Variants in CHTF18 observed in about 807,000 individuals in gnomAD.
The protein encoded by CHTF18 is chromosome transmission fidelity protein 18 homolog.
Under a neutral mutation model 113.4 loss-of-function variants are expected in CHTF18, and 151 were observed. That is an observed-to-expected ratio of 1.33 (90% CI 1.17 to 1.52). The LOEUF is 1.52. Ranked by LOEUF, CHTF18 falls within the 40% of genes most tolerant of loss-of-function variation. The pLI is 0.00. For missense variants in CHTF18, 1,982 were observed against 1,381.6 expected, an observed-to-expected ratio of 1.43 and a Z score of -6.89; for synonymous variants, 916 against 598.8, an observed-to-expected ratio of 1.53 and a Z score of -7.74.
At chr16:797,280 G>A (rs1442574026) in intron 20 of CHTF18, among the ~76,000 whole-genome samples, 188 bp downstream of exon 20, 2 of 151,104 alleles carry the variant, frequency 1.3e-5, no homozygotes, top group African/African-American at 4.9e-5. Flanking sequence ...GTCATGAGGC[G>A]GGGCCAGGGT....
At position 793,196 on chromosome 16, in the gene CHTF18, C is replaced by T. The variant is rs2042249440; in HGVS notation, c.1724C>T (p.Thr575Ile). 1 of 1,608,902 alleles carries T rather than the reference C, an allele frequency of 6.2e-7. No homozygotes were observed. Among genetic ancestry groups the T allele is most frequent in the South Asian group, 1.1e-5 (1 of 90,362 alleles). ...CTGAGCGTGCGGGACGTGCAGGCCA[C>T]ACGCGTGGGCCTCAAGGACCAGCGC... ...RELSVRDVQA[T>I]RVGLKDQRRG... The change falls in exon 14 of 22, where the codon ACA becomes ATA. Residue 575 changes from threonine to isoleucine, a missense_variant. Coordinates refer to ENST00000262315, the MANE Select transcript of CHTF18 (RefSeq NM_022092.3).
Position 788,643 on chromosome 16 carries a change from G to T in CHTF18, c.-42G>T, listed in dbSNP as rs886869686. On this transcript the variant is annotated 5_prime_UTR_variant, in exon 1 of 22. Transcript: ENST00000262315. ...GCGGGCAGTGCGCGACGGCGGCGGC[G>T]GCGCGGGAGGTTCGGAGCGGGAGCT... 6 of 1,429,636 alleles carry T rather than the reference G, an allele frequency of 4.2e-6. No homozygotes were observed. Among genetic ancestry groups the T allele is most frequent in the Middle Eastern group, 1.8e-4 (1 of 5,478 alleles). 88.6% of individuals were successfully genotyped at this position (1,429,636 alleles called of 1,614,324 possible).
rs376100071 is a variant in CHTF18 at position 795,986 on chromosome 16, C to T, written c.2365C>T (p.Leu789=). ...GTACAGCACCCGTGAAAAGCAACAG[C>T]TGGCCAGCCTGGTGGGCACGATGCT... ...QLYSTREKQQ[L]ASLVGTMLAY... The change falls in exon 18 of 22, where the codon CTG becomes TTG. Residue 789 remains leucine, a synonymous_variant. Coordinates refer to ENST00000262315, the MANE Select transcript of CHTF18 (RefSeq NM_022092.3). 58 of 1,608,600 alleles carry T rather than the reference C, an allele frequency of 3.6e-5. No homozygotes were observed. The Admixed American group carries it at 5.2e-4, about 14-fold the overall frequency.
Position 797,965 on chromosome 16 carries a change from A to T in CHTF18, c.2918A>T (p.Asp973Val). 1 of 1,611,596 alleles carries T rather than the reference A, an allele frequency of 6.2e-7. No homozygotes were observed. The highest frequency in any genetic ancestry group is 8.5e-7 in the Non-Finnish European group (1 of 1,179,260). The change falls in exon 22 of 22, where the codon GAC becomes GTC. Residue 973 changes from aspartate (D) to valine (V), a missense_variant. By Grantham distance (152) the Asp-to-Val change is radical. Coordinates refer to ENST00000262315, the MANE Select transcript of CHTF18 (RefSeq NM_022092.3). ...GTGCGGCGCAGCCTGTACATCAGGG[A>T]CTTGCTCTAGTTCTCTGAGCCGCGG... Reference protein sequence around the residue: ...NAVRRSLYIRDLL With the variant: ...NAVRRSLYIRVLL
At chr16:796,337 C>T (rs3888725) in intron 18 of CHTF18, among the ~76,000 whole-genome samples, 2,419 of 152,260 alleles carry the variant, frequency 0.016, 48 homozygotes, top group African/African-American at 0.048. Flanking sequence ...CCGGGGGCCC[C>T]GAGAGTGACT....
chr16:795,344 C>G lies in CHTF18; in HGVS notation c.2163C>G (p.Ser721Arg). Reference sequence around the variant, plus strand: ...ACACACCCAGGATCACCTTCCCCAGCAGCCAGCAGGAGGTGTGCTCGTCCC... The same window carrying G: ...ACACACCCAGGATCACCTTCCCCAGGAGCCAGCAGGAGGTGTGCTCGTCCC... The part of the protein sequence containing the change: ...SSHTPRITFP[S>R]SQQEAQNRMS... Residue 721 changes from serine to arginine, a missense_variant, in exon 16 of 22, where the codon AGC becomes AGG. Transcript: ENST00000262315. 1 of 1,547,832 alleles carries G rather than the reference C, an allele frequency of 6.5e-7. No individual in the cohort carries two copies. Among genetic ancestry groups the G allele is most frequent in the Non-Finnish European group, 8.7e-7 (1 of 1,146,448 alleles).
rs759578478 is a variant in CHTF18, at chr16:788,979, G to A, written c.140G>A (p.Arg47Gln). 2 of 1,563,096 alleles carry A rather than the reference G, an allele frequency of 1.3e-6. No individual in the cohort carries two copies. The highest frequency in any genetic ancestry group is 1.4e-5 in the African/African-American group (1 of 73,058). ...PSGVPLFTAG[R>Q]PPRTFEEALA... ...GGGGTCCCCCTGTTCACCGCGGGCC[G>A]ACCCCCGCGGACGTTCGAGGAGGCC... The change falls in exon 2 of 22, where the codon CGA becomes CAA. Residue 47 changes from arginine (R) to glutamine (Q), a missense_variant. Coordinates refer to ENST00000262315, the MANE Select transcript of CHTF18 (RefSeq NM_022092.3).
chr16:789,880 C>T lies in CHTF18; in HGVS notation c.606+165C>T, dbSNP rs1032856899. 32 of 1,340,928 alleles carry T rather than the reference C, an allele frequency of 2.4e-5. No homozygotes were observed. The Admixed American group carries it at 2.9e-4, about 12-fold the overall frequency. 83.1% of individuals were successfully genotyped at this position (1,340,928 alleles called of 1,614,324 possible). On this transcript the variant is annotated intron_variant, in intron 4 of 21. Transcript: ENST00000262315. ...TGGGGCGTAGACTTAGAGGACACAG[C>T]CTCCCCACAGCAGGTTGCTGTCCAG...
chr16:789,849 G>T, intron 4 of CHTF18, 134 bp downstream of exon 4: 5 of 1,316,032 alleles, frequency 3.8e-6, no homozygotes, highest in Non-Finnish European at 5.2e-6. Context: ...GGGGGAGGCT[G>T]CGTCATGGGG....
Position 795,249 on chromosome 16 carries a change from C to G in CHTF18, c.2068C>G (p.Gln690Glu), listed in dbSNP as rs776290505. The G allele has an allele frequency of 1.1e-5, 17 of 1,549,436 alleles. No individual in the cohort carries two copies. In the Admixed American group the frequency reaches 1.8e-4, roughly 16 times the overall value. The change falls in exon 16 of 22, where the codon CAG (glutamine) becomes GAG (glutamate). Residue 690 changes from glutamine (Q) to glutamate (E), a missense_variant. By Grantham distance (29) the Gln-to-Glu change is conservative. Transcript: ENST00000262315. ...DLLAGAAHHS[Q>E]SFQLLRYPPF... Reference sequence around the variant, plus strand: ...GCTGGCGGGGGCTGCTCATCACAGCCAGAGCTTCCAGCTGCTGCGCTACCC... The same window carrying G: ...GCTGGCGGGGGCTGCTCATCACAGCGAGAGCTTCCAGCTGCTGCGCTACCC...
In CHTF18 at chr16:794,129, C is replaced by T. The variant is rs1278500094; in HGVS notation, c.1878C>T (p.Thr626=). The change falls in exon 15 of 22, where the codon ACC becomes ACT. Residue 626 remains threonine, a synonymous_variant. Transcript: ENST00000262315. ...LLGDGDAGSL[T]SASQRFYRVL... ...GTGACGGGGACGCGGGCTCCCTCAC[C>T]TCCGCCTCACAGCGATTCTACCGTG... is the stretch of plus-strand genomic sequence containing the variant. 4 of 1,612,472 alleles carry T rather than the reference C, an allele frequency of 2.5e-6. No homozygotes were observed. Among genetic ancestry groups the T allele is most frequent in the East Asian group, 4.5e-5 (2 of 44,872 alleles).
rs770508070 is a variant in CHTF18 at position 795,320 on chromosome 16, C to T, written c.2139C>T (p.His713=). The change falls in exon 16 of 22, where the codon CAC becomes CAT. Residue 713 remains histidine (H), a synonymous_variant. Coordinates refer to ENST00000262315, the MANE Select transcript of CHTF18 (RefSeq NM_022092.3). The stretch of plus-strand genomic sequence containing the variant: ...TCCATGTGCTGTTTGCTTCCAGCCA[C>T]ACACCCAGGATCACCTTCCCCAGCA... The part of the protein sequence containing the change: ...VAFHVLFASS[H]TPRITFPSSQ... The T allele has an allele frequency of 1.3e-5, 20 of 1,548,368 alleles. No individual in the cohort carries two copies. The highest frequency in any genetic ancestry group is 1.6e-5 in the Non-Finnish European group (18 of 1,146,662).
Position 795,157 on chromosome 16 carries a change from T to C in CHTF18, c.1976T>C (p.Leu659Pro). Residue 659 changes from leucine (L) to proline (P), a missense_variant, in exon 16 of 22, where the codon CTG becomes CCG. Physicochemically the swap from Leu to Pro is moderately conservative, Grantham distance 98. Coordinates refer to ENST00000262315, the MANE Select transcript of CHTF18 (RefSeq NM_022092.3). ...VQGLFDNFLR[L>P]RLRDSSLGAV... ...GGCTTGTTTGACAACTTCCTGCGTC[T>C]GCGGCTGCGAGACTCCAGCCTGGGT... 1 of 1,553,628 alleles carries C rather than the reference T, an allele frequency of 6.4e-7. No individual in the cohort carries two copies. The highest frequency in any genetic ancestry group is 1.2e-5 in the South Asian group (1 of 84,498).
intron 9 of CHTF18, 116 bp downstream of exon 9, chr16:792,064 G>C: frequency 6.5e-7 from 1 of 1,538,168 alleles, no homozygotes; most frequent in South Asian, 1.2e-5. Flanking sequence ...GGGGGCCTGG[G>C]TGTGTGGGCC....
chr16:792,641 G>C, intron 11 of CHTF18, 51 bp downstream of exon 11: 1 of 1,590,204 alleles, frequency 6.3e-7, no homozygotes, highest in South Asian at 1.1e-5. Context: ...GTGCCTGGAG[G>C]GAGGGTTCCG....
In CHTF18 at chr16:792,489, G is replaced by T. The variant is rs971657982; in HGVS notation, c.1377G>T (p.Glu459Asp). 1 of 1,592,500 alleles carries T rather than the reference G, an allele frequency of 6.3e-7. No individual in the cohort carries two copies. The highest frequency in any genetic ancestry group is 8.5e-7 in the Non-Finnish European group (1 of 1,170,282). The change falls in exon 11 of 22, where the codon GAG becomes GAT. Residue 459 changes from glutamate to aspartate, a missense_variant. By Grantham distance (45) the Glu-to-Asp change is conservative. Transcript: ENST00000262315. ...LSILNRKGPQ[E>D]VGPQGPAVPS... ...TCCTGAACCGCAAGGGGCCACAGGA[G>T]GTGGGGCCACAGGGCCCGGCTGTGC...
intron 17 of CHTF18, 25 bp from the exon 18 acceptor site, chr16:795,922 C>G (rs541713845): frequency 1.2e-6 from 2 of 1,602,858 alleles, no homozygotes; most frequent in East Asian, 2.2e-5. Flanking sequence ...GCTCAGCTCC[C>G]TGTCTGCTGC....
At chr16:792,373 T>G in intron 10 of CHTF18, 26 bp downstream of exon 10, 1 of 1,559,934 alleles carries the variant, frequency 6.4e-7, no homozygotes, top group African/African-American at 1.4e-5. Context: ...CCTGGGTAGG[T>G]GGGTGGGCGG....
At chr16:790,701 T>C (rs776547728) in intron 7 of CHTF18, 35 bp downstream of exon 7, 17 of 1,497,604 alleles carry the variant, frequency 1.1e-5, no homozygotes, top group Non-Finnish European at 1.4e-5. Flanking sequence ...GTGGCTGGCT[T>C]CCTCTGTTCC....
Sources: gnomAD v4.1 joint callset for allele counts (sites outside exome capture counted in the v4.1 genomes callset) on GRCh38, gnomAD v4.1.1 for gene constraint, MANE v1.5 for transcripts, NCBI Gene and HGNC (gene_info 2026-07-23, HGNC 2026-07-21) for gene names.